Variants in ZFP90 observed in about 807,000 individuals in gnomAD.
ZFP90 encodes ZFP90 zinc finger protein.
Under a neutral mutation model 60.8 loss-of-function variants are expected in ZFP90, and 38 were observed. That is an observed-to-expected ratio of 0.62 (90% confidence interval 0.48 to 0.82). The LOEUF is 0.82. Ranked by LOEUF, ZFP90 falls within the 40% of genes least tolerant of loss-of-function variation. The pLI is 0.00. For missense variants in ZFP90, 711 were observed against 759.1 expected, an observed-to-expected ratio of 0.94 and a Z score of 0.74; for synonymous variants, 287 against 264.8, an observed-to-expected ratio of 1.08 and a Z score of -0.82.
At chr16:68,571,892 C>G (rs1409491186), downstream of ZFP90, among the ~76,000 whole-genome samples, 1 of 152,170 alleles carries the variant, frequency 6.6e-6, no homozygotes, top group African/African-American at 2.4e-5. Flanking sequence ...AAAGGGAGGG[C>G]AGAGGAGCAG....
chr16:68,546,183 G>T (rs531487065), intron 2 of ZFP90, among the ~76,000 whole-genome samples: 1 of 152,162 alleles, frequency 6.6e-6, no homozygotes, highest in African/African-American at 2.4e-5. Context: ...TCAAAACAAA[G>T]TATATTTTAT....
At chr16:68,550,265 A>G (rs1403717962) in intron 2 of ZFP90, among the ~76,000 whole-genome samples, 5 of 151,932 alleles carry the variant, frequency 3.3e-5, no homozygotes, top group Admixed American at 6.6e-5. Context: ...ATTTTATTTT[A>G]TTTTATTTAT....
At chr16:68,538,040 G>A (rs568508566), upstream of ZFP90, among the ~76,000 whole-genome samples, 8 of 152,192 alleles carry the variant, frequency 5.3e-5, no homozygotes, top group African/African-American at 1.7e-4. Flanking sequence ...AGCTTTCTGA[G>A]TAGCTGGGAT....
In ZFP90 at chr16:68,539,730, G is replaced by A. The variant is rs943801651; in HGVS notation, c.-35-28G>A. The A allele has an allele frequency of 2.5e-5, 37 of 1,508,608 alleles. No homozygotes were observed. In the Middle Eastern group the frequency reaches 1.2e-3, roughly 50 times the overall value. The allele number at this position is 1,508,608 out of a possible 1,614,324, so 93.5% of individuals were successfully genotyped here. ...GGGGTGGGGTCGGTGTTGCAGCGGG[G>A]TGAGTGGGCCCTGTCCTTTCTCCCC... On this transcript the variant is annotated intron_variant, in intron 1 of 4. Coordinates refer to ENST00000563169, the MANE Select transcript of ZFP90 (RefSeq NM_001305203.2).
intron 2 of ZFP90, among the ~76,000 whole-genome samples, chr16:68,551,400 A>G (rs948092995): frequency 6.7e-6 from 1 of 149,274 alleles, no homozygotes; most frequent in East Asian, 2.0e-4. Context: ...GCATAAGGAA[A>G]GGGAACATGT....
intron 4 of ZFP90, 62 bp downstream of exon 4, chr16:68,558,630 G>T: frequency 7.0e-7 from 1 of 1,437,086 alleles, no homozygotes; most frequent in Non-Finnish European, 9.7e-7. Flanking sequence ...TTAGGGAGGG[G>T]GAGATACCCT....
downstream of ZFP90, among the ~76,000 whole-genome samples, chr16:68,569,202 T>TCTCAACTC (rs1299482369): frequency 2.1e-5 from 3 of 144,348 alleles, no homozygotes; most frequent in Non-Finnish European, 4.5e-5. Flanking sequence ...AGTGGCATGA[T>TCTCAACTC]CTCAACTCAC....
rs1458005667 is a variant in ZFP90, at chr16:68,566,021, C to A, written c.*1323C>A. On this transcript the variant is annotated 3_prime_UTR_variant, in exon 5 of 5. Transcript: ENST00000563169. Reference sequence around the variant, plus strand: ...TGGTGGCATGCAGTGGTAGTCCCAGCTACTCAGGAGGCTGAGGTGGGAGGA... The same window carrying A: ...TGGTGGCATGCAGTGGTAGTCCCAGATACTCAGGAGGCTGAGGTGGGAGGA... 2.5e-6 allele frequency: 2 copies of A among 812,840 alleles called. No homozygotes were observed. The highest frequency in any genetic ancestry group is 6.3e-4 in the Middle Eastern group (1 of 1,584). 50.4% of individuals were successfully genotyped at this position (812,840 alleles called of 1,614,324 possible).
downstream of ZFP90, among the ~76,000 whole-genome samples, chr16:68,569,423 G>A (rs1178605496): frequency 2.0e-5 from 3 of 152,248 alleles, no homozygotes; most frequent in East Asian, 3.9e-4. Context: ...GCGTGAGCCA[G>A]TGCGCCCAGC....
In ZFP90 at chr16:68,566,041, G is replaced by C; in HGVS notation, c.*1343G>C. ...CCCAGCTACTCAGGAGGCTGAGGTG[G>C]GAGGATCACTGGAACCCGGGAGCAG... On this transcript the variant is annotated 3_prime_UTR_variant, in exon 5 of 5. Transcript: ENST00000563169. 1.1e-6 allele frequency: 1 copy of C among 881,822 alleles called. No homozygotes were observed. Among genetic ancestry groups the C allele is most frequent in the Non-Finnish European group, 1.4e-6 (1 of 735,474 alleles). The allele number at this position is 881,822 out of a possible 1,614,324, so 54.6% of individuals were successfully genotyped here. A position where few individuals can be genotyped will look rare whatever the true frequency, so the allele number is the denominator to read the frequency against.
chr16:68,556,971 T>A (rs2091354109), intron 2 of ZFP90, among the ~76,000 whole-genome samples: 1 of 152,164 alleles, frequency 6.6e-6, no homozygotes. Flanking sequence ...GACAGCCTGG[T>A]GAGCCATGAG....
intron 2 of ZFP90, chr16:68,533,987 C>CT (rs1043224016): frequency 2.4e-4 from 36 of 152,100 alleles, no homozygotes; most frequent in African/African-American, 8.7e-4. Flanking sequence ...ATCTTTATAT[C>CT]TTTAATCAGT....
At chr16:68,571,393 C>A (rs866954024), downstream of ZFP90, among the ~76,000 whole-genome samples, 8 of 152,180 alleles carry the variant, frequency 5.3e-5, no homozygotes, top group African/African-American at 1.7e-4. Flanking sequence ...AAATTTAAAA[C>A]TTTTGTCCCC....
At chr16:68,544,571 A>G (rs1389449467) in intron 2 of ZFP90, among the ~76,000 whole-genome samples, 1 of 152,132 alleles carries the variant, frequency 6.6e-6, no homozygotes, top group Admixed American at 6.5e-5. Context: ...TTGACTCTGG[A>G]TTACAGAAGC....
intron 1 of ZFP90, chr16:68,533,677 T>G (rs987052048): frequency 6.6e-6 from 1 of 152,172 alleles, no homozygotes; most frequent in Non-Finnish European, 1.5e-5. Flanking sequence ...ATTCTCCTTT[T>G]TTGTTGTTGT....
chr16:68,565,591 C>T lies in ZFP90; in HGVS notation c.*893C>T. ...ACTTTCAGCTAACATATGCCAGTTT[C>T]ACAGAACTATTAAGTCCCCTTATTG... On this transcript the variant is annotated 3_prime_UTR_variant, in exon 5 of 5. Transcript: ENST00000563169. 1.0e-6 allele frequency: 1 copy of T among 985,530 alleles called. No individual in the cohort carries two copies. Among genetic ancestry groups the T allele is most frequent in the Middle Eastern group, 5.2e-4 (1 of 1,914 alleles). 61.0% of individuals were successfully genotyped at this position (985,530 alleles called of 1,614,324 possible). A position where few individuals can be genotyped will look rare whatever the true frequency, so the allele number is the denominator to read the frequency against.
chr16:68,554,671 G>C (rs9925076), intron 2 of ZFP90, among the ~76,000 whole-genome samples: 1 of 152,100 alleles, frequency 6.6e-6, no homozygotes, highest in Non-Finnish European at 1.5e-5. Context: ...CAGGAGGCCG[G>C]CCAGGCTCAG....
Position 68,545,033 on chromosome 16 carries a change from C to T in ZFP90, c.33+5208C>T, listed in dbSNP as rs182466155. The stretch of plus-strand genomic sequence containing the variant: ...TAGCTGGGACTACAGGCACGTGCCA[C>T]CATGCCCAGCTAATTTTTTGTATTT... On this transcript the variant is annotated intron_variant, in intron 2 of 4. Transcript: ENST00000563169. 5.5e-3 allele frequency among the ~76,000 whole-genome samples: 829 copies of T among 151,948 alleles called. 33 individuals carry two copies. Among genetic ancestry groups the T allele is most frequent in the Admixed American group, 0.048 (733 of 15,232 alleles).
At chr16:68,558,669 C>G in intron 4 of ZFP90, 101 bp downstream of exon 4, 1 of 1,033,134 alleles carries the variant, frequency 9.7e-7, no homozygotes, top group South Asian at 1.4e-5. Flanking sequence ...TCTCCTAGAT[C>G]TGCATAGGAG....
Sources: allele counts gnomAD v4.1 joint callset (sites outside exome capture counted in the v4.1 genomes callset), GRCh38; gene constraint gnomAD v4.1.1; transcripts MANE v1.5; gene names NCBI Gene and HGNC (gene_info 2026-07-23, HGNC 2026-07-21).